GREB1L: variants seen among roughly 807,000 people sequenced by gnomAD.
GREB1L encodes the protein GREB1-like protein.
In GREB1L, 17 loss-of-function variants were observed where a neutral mutation model predicts 200.8. The ratio of observed to expected loss-of-function variants is 0.08; its 90% confidence interval spans 0.06 to 0.13. The LOEUF is 0.13. Among genes scored for constraint, GREB1L ranks in the 10% least tolerant of loss-of-function variants. The pLI, the probability that GREB1L is intolerant of heterozygous loss-of-function variation, is 1.00. For missense variants in GREB1L, 1,657 were observed against 2,367.7 expected (o/e 0.70, Z 6.23); for synonymous variants, 789 against 893.0 (o/e 0.88, Z 2.08).
At chr18:21,346,121 G>A (rs1301519826) in intron 1 of GREB1L, among the ~76,000 whole-genome samples, 1 of 152,108 alleles carries the variant, frequency 6.6e-6, no homozygotes, top group Admixed American at 6.6e-5. Context: ...GAGAAAAGAA[G>A]CAATGCAAGG....
intron 1 of GREB1L, among the ~76,000 whole-genome samples, chr18:21,268,856 T>C (rs961644541): frequency 2.6e-5 from 4 of 151,762 alleles, no homozygotes; most frequent in Non-Finnish European, 5.9e-5. Context: ...AGTGCTGGGA[T>C]TACAGGTGTG....
chr18:21,507,910 A>G (rs566738564), intron 25 of GREB1L, among the ~76,000 whole-genome samples: 94 of 152,294 alleles, frequency 6.2e-4, no homozygotes, highest in African/African-American at 1.9e-3. Flanking sequence ...TGCAGGTGCA[A>G]GACGGCGGGC....
intron 7 of GREB1L, among the ~76,000 whole-genome samples, chr18:21,415,384 C>T (rs984843760): frequency 3.3e-5 from 5 of 152,034 alleles, no homozygotes; most frequent in Admixed American, 6.6e-5. Flanking sequence ...GGCATGATGG[C>T]GTGTGCCTGT....
intron 15 of GREB1L, among the ~76,000 whole-genome samples, chr18:21,460,302 G>A (rs1371236099): frequency 6.6e-6 from 1 of 152,090 alleles, no homozygotes; most frequent in African/African-American, 2.4e-5. Context: ...AGCCTCCCGA[G>A]TAGCTGGGAT....
At chr18:21,464,596 TATC>T (rs1042707798) in intron 15 of GREB1L, among the ~76,000 whole-genome samples, 4 of 145,444 alleles carry the variant, frequency 2.8e-5, no homozygotes, top group African/African-American at 1.0e-4. Flanking sequence ...AGTCTCAAAG[TATC>T]ATCCCATGGA....
At chr18:21,411,928 C>T (rs2031077052) in intron 7 of GREB1L, among the ~76,000 whole-genome samples, 1 of 151,716 alleles carries the variant, frequency 6.6e-6, no homozygotes, top group Admixed American at 6.6e-5. Context: ...GCCTATAGTC[C>T]CAGCTACTCG....
At chr18:21,260,604 G>A (rs530408885) in intron 1 of GREB1L, among the ~76,000 whole-genome samples, 2 of 151,908 alleles carry the variant, frequency 1.3e-5, no homozygotes, top group African/African-American at 2.4e-5. Context: ...TAGTAATTCT[G>A]TTTTGTCTTA....
At chr18:21,472,982 G>A (rs2035542402) in intron 15 of GREB1L, 49 bp from the exon 16 acceptor site, 2 of 1,294,424 alleles carry the variant, frequency 1.5e-6, no homozygotes, top group Non-Finnish European at 2.1e-6. Flanking sequence ...CTGTGTGTGT[G>A]TGTATGTGTA....
intron 1 of GREB1L, among the ~76,000 whole-genome samples, chr18:21,264,426 A>G (rs1204178916): frequency 6.6e-6 from 1 of 152,116 alleles, no homozygotes. Flanking sequence ...AGAATTGCTT[A>G]TTTGCTTTAA....
At chr18:21,377,048 G>A (rs2040104854) in intron 2 of GREB1L, among the ~76,000 whole-genome samples, 1 of 152,144 alleles carries the variant, frequency 6.6e-6, no homozygotes, top group Non-Finnish European at 1.5e-5. Flanking sequence ...GAAAAGGACA[G>A]TAAAAAATAT....
intron 17 of GREB1L, among the ~76,000 whole-genome samples, chr18:21,477,731 A>G (rs2035759934): frequency 6.6e-6 from 1 of 151,476 alleles, no homozygotes; most frequent in South Asian, 2.1e-4. Flanking sequence ...GGTTGCAGTG[A>G]GCGGAGATTG....
chr18:21,246,781 A>G (rs1448611752), intron 1 of GREB1L, among the ~76,000 whole-genome samples: 1 of 152,214 alleles, frequency 6.6e-6, no homozygotes, highest in Non-Finnish European at 1.5e-5. Context: ...AACGATATTT[A>G]AGTGAAAATG....
chr18:21,408,148 ATGTT>A (rs144755292), intron 7 of GREB1L, among the ~76,000 whole-genome samples: 30,856 of 151,922 alleles, frequency 0.2, 3,534 homozygotes, highest in Middle Eastern at 0.3. Flanking sequence ...AAAAAGATAG[ATGTT>A]TGAGGTGATG....
At chr18:21,365,636 C>A (rs953131051) in intron 1 of GREB1L, among the ~76,000 whole-genome samples, 3 of 152,030 alleles carry the variant, frequency 2.0e-5, no homozygotes, top group Non-Finnish European at 2.9e-5. Context: ...GATTATTACT[C>A]CTAAATTCCT....
chr18:21,300,744 T>G (rs1241133838), intron 1 of GREB1L, among the ~76,000 whole-genome samples: 2 of 152,192 alleles, frequency 1.3e-5, no homozygotes, highest in African/African-American at 4.8e-5. Flanking sequence ...TCTTTCCTTT[T>G]TCATCATCTT....
At chr18:21,372,337 AG>A (rs1301321751) in intron 2 of GREB1L, among the ~76,000 whole-genome samples, 3 of 151,756 alleles carry the variant, frequency 2.0e-5, no homozygotes, top group Admixed American at 6.6e-5. Context: ...TAGTAGAGAC[AG>A]GGTTTCACCA....
At chr18:21,479,102 G>A (rs904064388) in intron 17 of GREB1L, among the ~76,000 whole-genome samples, 3 of 151,934 alleles carry the variant, frequency 2.0e-5, no homozygotes, top group Non-Finnish European at 4.4e-5. Flanking sequence ...GGCTGGTCTC[G>A]AACTCGCAAC....
chr18:21,436,717 T>TGTGTG (rs1568009671), intron 7 of GREB1L, among the ~76,000 whole-genome samples: 71 of 147,848 alleles, frequency 4.8e-4, no homozygotes, highest in African/African-American at 1.6e-3. Context: ...TGTGTGTGTG[T>TGTGTG]TTTCTTTTTC....
chr18:21,467,895 T>TGG (rs2035324283), intron 15 of GREB1L, among the ~76,000 whole-genome samples: 2 of 151,798 alleles, frequency 1.3e-5, no homozygotes, highest in South Asian at 2.1e-4. Context: ...CGTGGTGGCA[T>TGG]GCACCTGTAG....
Sources: allele counts gnomAD v4.1 joint callset (sites outside exome capture counted in the v4.1 genomes callset), GRCh38; gene constraint gnomAD v4.1.1; transcripts MANE v1.5; gene names NCBI Gene and HGNC (gene_info 2026-07-23, HGNC 2026-07-21).